ADGRD1: variants seen among roughly 807,000 people sequenced by gnomAD.
ADGRD1 encodes the protein G-protein coupled receptor 133.
A neutral mutation model predicts 113.4 loss-of-function variants in ADGRD1; 77 were observed. That is an observed-to-expected ratio of 0.68 (90% CI 0.57 to 0.82). The LOEUF is 0.82. ADGRD1 is among the 40% of genes least tolerant of loss of function. The probability of loss-of-function intolerance (pLI) is 0.00; values close to 1 mark genes in which losing one functional copy is unlikely to be tolerated. For synonymous variants in ADGRD1, 474 were observed against 475.0 expected (o/e 1.00, Z 0.03); for missense variants, 1,036 against 1,139.1 (o/e 0.91, Z 1.30).
chr12:131,063,787 G>A (rs1884518219), intron 13 of ADGRD1, among the ~76,000 whole-genome samples: 1 of 152,202 alleles, frequency 6.6e-6, no homozygotes, highest in Non-Finnish European at 1.5e-5. Flanking sequence ...TGCCTTTAAA[G>A]ATGAACTTTA....
At chr12:131,100,054 AGTTGGTTGATGATGG>A (rs1190013798) in intron 15 of ADGRD1, among the ~76,000 whole-genome samples, 3 of 152,054 alleles carry the variant, frequency 2.0e-5, no homozygotes, top group African/African-American at 2.4e-5. Flanking sequence ...CTGAAGATAA[AGTTGGTTGATGATGG>A]GTTGGTTGAT....
At chr12:130,996,029 A>T (rs1402857288) in intron 8 of ADGRD1, among the ~76,000 whole-genome samples, 1 of 152,124 alleles carries the variant, frequency 6.6e-6, no homozygotes, top group African/African-American at 2.4e-5. Flanking sequence ...CACATCTTGC[A>T]CCGCCCTTAA....
intron 13 of ADGRD1, chr12:131,069,440 G>T (rs1176394510): frequency 2.0e-5 from 3 of 152,224 alleles, no homozygotes; most frequent in African/African-American, 7.2e-5. Context: ...GTAAAGTGGG[G>T]CAAGAGTGTG....
chr12:131,104,884 CCT>C lies in ADGRD1; in HGVS notation c.1729_1730del (p.Ser577ArgfsTer45). 6.4e-7 allele frequency: 1 copy of C among 1,551,446 alleles called. No individual in the cohort carries two copies. Among genetic ancestry groups the C allele is most frequent in the Non-Finnish European group, 8.7e-7 (1 of 1,147,270 alleles). ...CGTCTATCAGCTATGTGGGCTGCTCCCTCTCCGTGCTCTGCCTGGTGGCCACG... is the reference window on the plus strand; with the variant it reads ...CGTCTATCAGCTATGTGGGCTGCTCCCTCCGTGCTCTGCCTGGTGGCCACG... Reference protein sequence around the residue: ...LSSISYVGCSLSVLCLVATLV... With the variant: ...LSSISYVGCSXSVLCLVATLV... On this transcript the variant is annotated frameshift_variant, in exon 16 of 25. Transcript: ENST00000261654. LOFTEE classifies it high-confidence loss of function.
rs1404847032 is a variant in ADGRD1 at position 130,966,886 on chromosome 12, C to T, written c.187+340C>T. 3 of 430,322 alleles carry T rather than the reference C, an allele frequency of 7.0e-6. No individual in the cohort carries two copies. Among genetic ancestry groups the T allele is most frequent in the East Asian group, 6.4e-5 (1 of 15,658 alleles). 26.7% of individuals were successfully genotyped at this position (430,322 alleles called of 1,614,324 possible). Reference sequence around the variant, plus strand: ...CCTCTGGCCTTGGCCTCCCAAAGTGCTGGAATTACAGGCGTGAGCCACTGT... The same window carrying T: ...CCTCTGGCCTTGGCCTCCCAAAGTGTTGGAATTACAGGCGTGAGCCACTGT... On this transcript the variant is annotated intron_variant, in intron 3 of 24. Transcript: ENST00000261654. This position sits in a 1 kb window ranked among gnomAD's most constrained non-coding sequence, Gnocchi z 4.6.
chr12:131,051,347 G>A (rs767271151), intron 13 of ADGRD1, among the ~76,000 whole-genome samples: 7 of 152,190 alleles, frequency 4.6e-5, no homozygotes, highest in African/African-American at 7.2e-5. Flanking sequence ...CAGAACTTGG[G>A]TGTTTGTATT....
Position 131,046,032 on chromosome 12 carries a change from TGTCCTCCCTGGTCAGC to T in ADGRD1, c.1474-30768_1474-30753del, listed in dbSNP as rs1406176121. 6.1e-5 allele frequency among the ~76,000 whole-genome samples: 9 copies of T among 148,686 alleles called. No individual in the cohort carries two copies. In the East Asian group the frequency reaches 1.8e-3, roughly 30 times the overall value. ...CCTGGTGAGTGTCCTCCCTGGTCAG[TGTCCTCCCTGGTCAGC>T]ACTTCTCCCAGGTCAGTGTCCTTCC... is the stretch of plus-strand genomic sequence containing the variant. On this transcript the variant is annotated intron_variant, in intron 13 of 24. Transcript: ENST00000261654.
At position 131,050,647 on chromosome 12, in the gene ADGRD1, G is replaced by A. The variant is rs1391783495; in HGVS notation, c.1474-26154G>A. 7.9e-5 allele frequency among the ~76,000 whole-genome samples: 12 copies of A among 152,022 alleles called. No individual in the cohort carries two copies. The highest frequency in any genetic ancestry group is 3.9e-4 in the Admixed American group (6 of 15,270). On this transcript the variant is annotated intron_variant, in intron 13 of 24. Transcript: ENST00000261654. The surrounding 1 kb of genome is among the most constrained non-coding windows in gnomAD (Gnocchi z 4.8). ...TTTAAGCGACCAGATCCACGAGAACGCATGATCGTGGGGACAGTGCCAAGA... is the reference window on the plus strand; with the variant it reads ...TTTAAGCGACCAGATCCACGAGAACACATGATCGTGGGGACAGTGCCAAGA...
chr12:130,994,134 G>C (rs1566010433), intron 8 of ADGRD1: 1 of 338,484 alleles, frequency 3.0e-6, no homozygotes, highest in Admixed American at 3.2e-5. Flanking sequence ...CCCAGTGTGG[G>C]AGCGCTTCCG....
chr12:131,040,228 C>T (rs568250926), intron 13 of ADGRD1, among the ~76,000 whole-genome samples: 5 of 152,294 alleles, frequency 3.3e-5, no homozygotes, highest in African/African-American at 4.8e-5. Flanking sequence ...GTCAACCAGA[C>T]GTGCAACTGG....
intron 2 of ADGRD1, among the ~76,000 whole-genome samples, chr12:130,963,189 G>T (rs372428482): frequency 6.6e-6 from 1 of 151,692 alleles, no homozygotes; most frequent in African/African-American, 2.4e-5. Context: ...GCGTGGTGGC[G>T]GGCGCCTGTA....
At chr12:131,002,951 G>A (rs943313804) in intron 9 of ADGRD1, 11 of 735,380 alleles carry the variant, frequency 1.5e-5, no homozygotes, top group Middle Eastern at 4.3e-4. Flanking sequence ...TGCAGGAGCC[G>A]GCGATGGCTG....
chr12:131,122,297 G>T lies in ADGRD1; in HGVS notation c.2175+1384G>T, dbSNP rs528817904. On this transcript the variant is annotated intron_variant, in intron 20 of 24. Transcript: ENST00000261654. ...TTGTGGCATCAGAGCCTCCCTCACA[G>T]CGTCTACAGAGCTCCGAGCAGGGCT... is the stretch of plus-strand genomic sequence containing the variant. Among the ~76,000 whole-genome samples the T allele has an allele frequency of 3.9e-5, 6 of 152,268 alleles. No individual in the cohort carries two copies. In the East Asian group the frequency reaches 1.2e-3, roughly 30 times the overall value.
chr12:131,022,941 G>A lies in ADGRD1; in HGVS notation c.1473+8601G>A, dbSNP rs916913199. The A allele has an allele frequency of 6.6e-6, 1 of 151,868 alleles. No homozygotes were observed. The highest frequency in any genetic ancestry group is 1.5e-5 in the Non-Finnish European group (1 of 67,980). The allele number at this position is 151,868 out of a possible 1,614,324, so 9.4% of individuals were successfully genotyped here. ...GTATGTGTGTCTGTGTTGCAAACTA[G>A]GATTGCATTCTGATACCTGTTTCTG... is the stretch of plus-strand genomic sequence containing the variant. On this transcript the variant is annotated intron_variant, in intron 13 of 24. Coordinates refer to ENST00000261654, the MANE Select transcript of ADGRD1 (RefSeq NM_198827.5). The surrounding 1 kb of genome is among the most constrained non-coding windows in gnomAD (Gnocchi z 4.6).
At chr12:131,136,229 C>G in intron 22 of ADGRD1, 66 bp downstream of exon 22, 7 of 1,585,542 alleles carry the variant, frequency 4.4e-6, no homozygotes, top group Non-Finnish European at 6.0e-6. Flanking sequence ...TTGCAGGGAG[C>G]TAGGGCTGCA....
intron 13 of ADGRD1, among the ~76,000 whole-genome samples, chr12:131,031,185 T>G (rs1228173541): frequency 1.3e-5 from 2 of 152,162 alleles, no homozygotes; most frequent in Non-Finnish European, 2.9e-5. Context: ...TCGAAGCTGC[T>G]CCCTGCCTCC....
intron 14 of ADGRD1, among the ~76,000 whole-genome samples, chr12:131,078,056 T>G (rs1351208704): frequency 6.6e-6 from 1 of 152,188 alleles, no homozygotes; most frequent in African/African-American, 2.4e-5. Context: ...CATCTTCCTG[T>G]GCCTGGACTC....
At chr12:131,049,954 C>G (rs1002009214) in intron 13 of ADGRD1, among the ~76,000 whole-genome samples, 10 of 152,186 alleles carry the variant, frequency 6.6e-5, no homozygotes, top group African/African-American at 2.4e-4. Flanking sequence ...ACAAGCAGGA[C>G]AGTTGTTTGT....
chr12:130,958,528 G>T (rs535358277), intron 2 of ADGRD1, among the ~76,000 whole-genome samples: 1 of 152,012 alleles, frequency 6.6e-6, no homozygotes, highest in Admixed American at 6.6e-5. Flanking sequence ...CTTCTCTTCC[G>T]ACATCTCAGG....
Sources: allele counts gnomAD v4.1 joint callset (sites outside exome capture counted in the v4.1 genomes callset), GRCh38; gene constraint gnomAD v4.1.1; non-coding constraint Gnocchi (gnomAD v3.1); transcripts MANE v1.5; gene names NCBI Gene and HGNC (gene_info 2026-07-23, HGNC 2026-07-21).